The following FANCC variants were observed in gnomAD, a reference collection of about 807,000 sequenced individuals.
FANCC encodes Fanconi anemia group C protein.
A neutral mutation model predicts 71.3 loss-of-function variants in FANCC; 55 were observed. The ratio of observed to expected loss-of-function variants is 0.77; its 90% CI spans 0.62 to 0.97. The LOEUF (loss-of-function observed/expected upper bound fraction) is 0.97. Among genes scored for constraint, FANCC ranks in the 50% least tolerant of loss-of-function variants. The pLI is 0.00. For missense variants in FANCC, 678 were observed against 670.9 expected (o/e 1.01, Z -0.12); for synonymous variants, 275 against 244.9 (o/e 1.12, Z -1.15).
At chr9:95,266,058 A>C (rs1271004884) in intron 1 of FANCC, among the ~76,000 whole-genome samples, 1 of 152,208 alleles carries the variant, frequency 6.6e-6, no homozygotes, top group African/African-American at 2.4e-5. Flanking sequence ...AGCTAAAGAC[A>C]TCAAAATCAA....
Position 95,107,331 on chromosome 9 carries a change from A to G in FANCC, c.1330-62T>C. 5 of 1,537,688 alleles carry G rather than the reference A, an allele frequency of 3.3e-6. No homozygotes were observed. The South Asian group carries it at 4.7e-5, about 14-fold the overall frequency. ...GAGGCAGGACAGACATACTTCTAGG[A>G]TTTATTTATTTGCTTTGAAACAACC... On this transcript the variant is annotated intron_variant, in intron 13 of 14. Coordinates refer to ENST00000289081, the MANE Select transcript of FANCC (RefSeq NM_000136.3).
At chr9:95,128,069 G>A (rs1052017739) in intron 8 of FANCC, among the ~76,000 whole-genome samples, 1 of 152,200 alleles carries the variant, frequency 6.6e-6, no homozygotes, top group African/African-American at 2.4e-5. Context: ...CAGGACCACC[G>A]TTCAAGAGAG....
intron 6 of FANCC, among the ~76,000 whole-genome samples, chr9:95,155,722 CTT>C (rs1341461283): frequency 6.6e-6 from 1 of 151,830 alleles, no homozygotes; most frequent in Non-Finnish European, 1.5e-5. Context: ...CTTCTTTTCT[CTT>C]TCTTTCTTTT....
In FANCC at chr9:95,277,135, G is replaced by T. The variant is rs1383057773; in HGVS notation, c.-78-27766C>A. On this transcript the variant is annotated intron_variant, in intron 1 of 14. Transcript: ENST00000289081. ...TCAATTCAATTTTTCTGAAATAGAT[G>T]ATTCTGATGATTCAGACAATTCTGA... 2.0e-5 allele frequency among the ~76,000 whole-genome samples: 3 copies of T among 152,296 alleles called. No homozygotes were observed. In the South Asian group the frequency reaches 6.2e-4, roughly 32 times the overall value.
intron 6 of FANCC, among the ~76,000 whole-genome samples, chr9:95,155,291 G>T (rs1830401904): frequency 1.4e-5 from 1 of 72,816 alleles, no homozygotes; most frequent in African/African-American, 5.5e-5. Flanking sequence ...GGAAGGAAGG[G>T]GACGGAAGGG....
chr9:95,283,161 C>A (rs1405246089), intron 1 of FANCC, among the ~76,000 whole-genome samples: 1 of 152,208 alleles, frequency 6.6e-6, no homozygotes, highest in African/African-American at 2.4e-5. Context: ...TAGCTCACTA[C>A]AGCCTCAAAC....
chr9:95,200,400 G>A (rs970863446), intron 4 of FANCC, among the ~76,000 whole-genome samples: 7 of 152,212 alleles, frequency 4.6e-5, no homozygotes, highest in African/African-American at 1.4e-4. Flanking sequence ...CAAAATGTGC[G>A]AAACTTTGTA....
intron 4 of FANCC, among the ~76,000 whole-genome samples, chr9:95,219,339 C>T (rs1829083145): frequency 6.6e-6 from 1 of 152,118 alleles, no homozygotes; most frequent in Non-Finnish European, 1.5e-5. Flanking sequence ...AAACAAAAAA[C>T]CAGACAGACA....
rs567896257 is a variant in FANCC at position 95,143,298 on chromosome 9, C to A, written c.686+6625G>T. On this transcript the variant is annotated intron_variant, in intron 7 of 14. Coordinates refer to ENST00000289081, the MANE Select transcript of FANCC (RefSeq NM_000136.3). ...ACCACCAATCTGGAAGCTATTTGAACCCCACAGTTTAGGTTTTTTATGGAG... is the reference window on the plus strand; with the variant it reads ...ACCACCAATCTGGAAGCTATTTGAAACCCACAGTTTAGGTTTTTTATGGAG... 2.6e-3 allele frequency among the ~76,000 whole-genome samples: 393 copies of A among 152,270 alleles called. 2 individuals are homozygous for A. The highest frequency in any genetic ancestry group is 4.5e-3 in the Non-Finnish European group (303 of 68,024).
At chr9:95,243,878 C>T (rs1264840202) in intron 3 of FANCC, among the ~76,000 whole-genome samples, 6 of 152,168 alleles carry the variant, frequency 3.9e-5, no homozygotes, top group African/African-American at 7.2e-5. Flanking sequence ...ACAACAGGGG[C>T]GACACAGGCA....
intron 4 of FANCC, among the ~76,000 whole-genome samples, chr9:95,231,457 T>C (rs1252227077): frequency 6.6e-6 from 1 of 152,158 alleles, no homozygotes; most frequent in African/African-American, 2.4e-5. Context: ...CTCCTCTTCC[T>C]GTGAGGACCC....
chr9:95,101,494 A>C lies in FANCC; in HGVS notation c.*213T>G, dbSNP rs184733418. ...GTACCGAAGGCTCACTTGAGTCATT[A>C]GTGAACATGTCTGACTGAGTCTGGG... On this transcript the variant is annotated 3_prime_UTR_variant, in exon 15 of 15. Coordinates refer to ENST00000289081, the MANE Select transcript of FANCC (RefSeq NM_000136.3). The C allele has an allele frequency of 5.1e-4, 317 of 620,214 alleles. No individual in the cohort carries two copies. Among genetic ancestry groups the C allele is most frequent in the Admixed American group, 1.1e-3 (40 of 36,730 alleles). The allele number at this position is 620,214 out of a possible 1,614,324, so 38.4% of individuals were successfully genotyped here.
At chr9:95,308,418 G>C (rs1835187830) in intron 1 of FANCC, among the ~76,000 whole-genome samples, 1 of 150,806 alleles carries the variant, frequency 6.6e-6, no homozygotes, top group Non-Finnish European at 1.5e-5. Context: ...CAAGTAGCTG[G>C]GATTACAGGC....
intron 4 of FANCC, among the ~76,000 whole-genome samples, chr9:95,238,976 A>G (rs573876078): frequency 3.3e-5 from 5 of 152,240 alleles, no homozygotes; most frequent in Admixed American, 2.6e-4. Flanking sequence ...CTTCATCACC[A>G]ACTCCACAAA....
At chr9:95,111,665 T>C (rs4647535) in intron 12 of FANCC, 28 bp from the exon 13 acceptor site, 23 of 1,613,800 alleles carry the variant, frequency 1.4e-5, no homozygotes, top group South Asian at 5.5e-5. Flanking sequence ...CACATGGCAG[T>C]TGACAACCTA....
chr9:95,217,267 T>C (rs1400173645), intron 4 of FANCC, among the ~76,000 whole-genome samples: 2 of 152,016 alleles, frequency 1.3e-5, no homozygotes, highest in African/African-American at 2.4e-5. Context: ...GGGTGGATCA[T>C]GAGGTCAGGA....
chr9:95,259,419 C>T (rs1831881990), intron 1 of FANCC, among the ~76,000 whole-genome samples: 1 of 152,142 alleles, frequency 6.6e-6, no homozygotes, highest in African/African-American at 2.4e-5. Context: ...CTTTGACAAA[C>T]CTGACAAAAA....
intron 5 of FANCC, 134 bp from the exon 6 acceptor site, chr9:95,171,277 G>C (rs1478227344): frequency 4.1e-6 from 3 of 727,782 alleles, no homozygotes; most frequent in Non-Finnish European, 7.4e-6. Flanking sequence ...CTCTGTCAGA[G>C]TGAAAAGGAA....
intron 4 of FANCC, among the ~76,000 whole-genome samples, chr9:95,222,564 G>A (rs1310012848): frequency 1.3e-5 from 2 of 152,178 alleles, no homozygotes; most frequent in Non-Finnish European, 2.9e-5. Flanking sequence ...GATTGTGGCG[G>A]TGGTTATAAA....
Sources: allele counts gnomAD v4.1 joint callset (sites outside exome capture counted in the v4.1 genomes callset), GRCh38; gene constraint gnomAD v4.1.1; transcripts MANE v1.5; gene names NCBI Gene and HGNC (gene_info 2026-07-23, HGNC 2026-07-21).